Variants in GPC5 observed in about 807,000 individuals in gnomAD.
The protein encoded by GPC5 is glypican 5.
In GPC5, 47 loss-of-function variants were observed where a neutral mutation model predicts 53.9. The observed-to-expected ratio is 0.87, with a 90% CI of 0.69 to 1.11. The LOEUF (loss-of-function observed/expected upper bound fraction) is 1.11. Among genes scored for constraint, GPC5 ranks in the 50% most tolerant of loss-of-function variants. GPC5 has a pLI of 0.00. For missense variants in GPC5, 748 were observed against 713.1 expected (o/e 1.05, Z -0.56); for synonymous variants, 286 against 263.3 (o/e 1.09, Z -0.84).
intron 7 of GPC5, among the ~76,000 whole-genome samples, chr13:92,658,058 C>T (rs887345565): frequency 5.7e-4 from 87 of 152,014 alleles, no homozygotes; most frequent in African/African-American, 1.9e-3. Flanking sequence ...ATACACTTAC[C>T]CCAATTCTGT....
chr13:91,513,669 A>T (rs1254349578), intron 2 of GPC5, among the ~76,000 whole-genome samples: 1 of 152,136 alleles, frequency 6.6e-6, no homozygotes, highest in African/African-American at 2.4e-5. Context: ...TGAACCCCGG[A>T]GGTAGAGGTT....
chr13:91,828,090 T>A (rs2038601902), intron 5 of GPC5, among the ~76,000 whole-genome samples: 1 of 152,064 alleles, frequency 6.6e-6, no homozygotes, highest in Non-Finnish European at 1.5e-5. Flanking sequence ...TACGATTTCA[T>A]TTACATGAAG....
At chr13:92,461,234 A>T (rs1594220591) in intron 7 of GPC5, among the ~76,000 whole-genome samples, 1 of 152,342 alleles carries the variant, frequency 6.6e-6, no homozygotes, top group South Asian at 2.1e-4. Flanking sequence ...TTTGAGGAGC[A>T]GAAAAATTCA....
intron 2 of GPC5, among the ~76,000 whole-genome samples, chr13:91,517,792 G>A (rs186191552): frequency 4.6e-5 from 7 of 152,292 alleles, no homozygotes; most frequent in South Asian, 2.1e-4. Context: ...GGCAGGAGGC[G>A]AAAGGCACTT....
intron 2 of GPC5, among the ~76,000 whole-genome samples, chr13:91,618,133 G>A (rs758922244): frequency 3.3e-5 from 5 of 152,072 alleles, no homozygotes; most frequent in Admixed American, 6.6e-5. Context: ...ATTAGACACA[G>A]ACATTAGAAG....
intron 6 of GPC5, among the ~76,000 whole-genome samples, chr13:91,916,458 T>C (rs2039660373): frequency 6.6e-6 from 1 of 152,136 alleles, no homozygotes; most frequent in Non-Finnish European, 1.5e-5. Context: ...TATTTGCCAA[T>C]AAAGAAGATC....
intron 1 of GPC5, among the ~76,000 whole-genome samples, chr13:91,447,827 G>T (rs1192484948): frequency 1.3e-5 from 2 of 151,874 alleles, no homozygotes; most frequent in Admixed American, 1.3e-4. Flanking sequence ...ACCGTATTAG[G>T]CCATTATGTA....
intron 6 of GPC5, among the ~76,000 whole-genome samples, chr13:91,979,826 CA>C (rs2040341437): frequency 6.6e-6 from 1 of 152,108 alleles, no homozygotes; most frequent in Non-Finnish European, 1.5e-5. Flanking sequence ...TCCCTTGGTT[CA>C]ACAGATTCTG....
chr13:92,369,335 T>A (rs954131418), intron 7 of GPC5, among the ~76,000 whole-genome samples: 2 of 152,100 alleles, frequency 1.3e-5, no homozygotes, highest in Non-Finnish European at 2.9e-5. Context: ...AGGTGTGTGC[T>A]ACCATGCCTG....
intron 7 of GPC5, among the ~76,000 whole-genome samples, chr13:92,239,640 AAAC>A (rs1182233442): frequency 1.3e-5 from 2 of 152,114 alleles, no homozygotes; most frequent in Non-Finnish European, 1.5e-5. Context: ...AATCAAGTGA[AAAC>A]AACAATATAT....
chr13:92,507,650 A>G (rs1054097344), intron 7 of GPC5, among the ~76,000 whole-genome samples: 1 of 152,310 alleles, frequency 6.6e-6, no homozygotes, highest in African/African-American at 2.4e-5. Flanking sequence ...AGCAAAGTAA[A>G]GTTATTTACA....
At chr13:91,498,972 C>A (rs1207300529) in intron 2 of GPC5, among the ~76,000 whole-genome samples, 4 of 149,438 alleles carry the variant, frequency 2.7e-5, no homozygotes, top group Admixed American at 6.7e-5. Context: ...GTCTCCCTCT[C>A]AAAAAAAAAG....
At chr13:92,539,501 C>A (rs1185953830) in intron 7 of GPC5, among the ~76,000 whole-genome samples, 4 of 152,012 alleles carry the variant, frequency 2.6e-5, no homozygotes, top group Non-Finnish European at 5.9e-5. Flanking sequence ...CCTTTGTGCA[C>A]TTTTTGATGG....
intron 7 of GPC5, among the ~76,000 whole-genome samples, chr13:92,642,348 A>C (rs1885622650): frequency 6.6e-6 from 1 of 152,110 alleles, no homozygotes; most frequent in African/African-American, 2.4e-5. Context: ...ATCCATCCTC[A>C]CCTGTGACTC....
intron 6 of GPC5, among the ~76,000 whole-genome samples, chr13:92,104,788 G>A (rs1232086488): frequency 6.6e-6 from 1 of 152,122 alleles, no homozygotes; most frequent in African/African-American, 2.4e-5. Context: ...GTGCCTCAGA[G>A]GTCCTTACTG....
At chr13:92,322,169 G>A (rs1486421771) in intron 7 of GPC5, among the ~76,000 whole-genome samples, 1 of 151,832 alleles carries the variant, frequency 6.6e-6, no homozygotes, top group Admixed American at 6.6e-5. Context: ...GGCATACAAA[G>A]GTTAAATAAC....
At chr13:91,530,100 TGTACAGTTGCAC>T (rs1886268719) in intron 2 of GPC5, among the ~76,000 whole-genome samples, 1 of 152,250 alleles carries the variant, frequency 6.6e-6, no homozygotes, top group Non-Finnish European at 1.5e-5. Context: ...TGGGAATTGC[TGTACAGTTGCAC>T]CATTTTGCGA....
At chr13:91,948,450 T>G (rs1221034116) in intron 6 of GPC5, among the ~76,000 whole-genome samples, 2 of 151,138 alleles carry the variant, frequency 1.3e-5, no homozygotes, top group East Asian at 3.9e-4. Flanking sequence ...TGTTTTGGGC[T>G]GGGGATACAT....
chr13:92,445,285 C>CT (rs1374534376), intron 7 of GPC5, among the ~76,000 whole-genome samples: 2 of 133,850 alleles, frequency 1.5e-5, no homozygotes, highest in Admixed American at 1.5e-4. Flanking sequence ...CAAAGATTCT[C>CT]TTTTTGTGAT....
Sources: gnomAD v4.1 joint callset for allele counts (sites outside exome capture counted in the v4.1 genomes callset) on GRCh38, gnomAD v4.1.1 for gene constraint, MANE v1.5 for transcripts, NCBI Gene and HGNC (gene_info 2026-07-23, HGNC 2026-07-21) for gene names.